PHYHIPL: variants seen among roughly 807,000 people sequenced by gnomAD.
PHYHIPL encodes the protein phytanoyl-CoA hydroxylase-interacting protein-like.
PHYHIPL carries 9 observed loss-of-function variants against 33.4 expected under a neutral mutation model. The ratio of observed to expected loss-of-function variants is 0.27; its 90% confidence interval spans 0.16 to 0.47. The LOEUF (loss-of-function observed/expected upper bound fraction) is 0.47, where lower values mean the gene tolerates loss of function less well. Ranked by LOEUF, PHYHIPL falls within the 20% of genes least tolerant of loss-of-function variation. The probability of loss-of-function intolerance (pLI) is 0.99; values close to 1 mark genes in which losing one functional copy is unlikely to be tolerated. For missense variants in PHYHIPL, 365 were observed against 460.7 expected (o/e 0.79, Z 1.90); for synonymous variants, 153 against 154.1 (o/e 0.99, Z 0.05).
upstream of PHYHIPL, among the ~76,000 whole-genome samples, chr10:59,173,921 G>GTT (rs368316005): frequency 1.3e-3 from 72 of 57,544 alleles, 17 homozygotes; most frequent in Admixed American, 1.9e-3. Flanking sequence ...TACTTCTGAG[G>GTT]TTTTTTTTTT....
At chr10:59,183,876 C>T (rs1428620316) in intron 1 of PHYHIPL, among the ~76,000 whole-genome samples, 5 of 152,106 alleles carry the variant, frequency 3.3e-5, no homozygotes, top group Admixed American at 3.3e-4. Context: ...GAATGTTGCT[C>T]TCTAATAATA....
At chr10:59,239,613 A>C (rs1840331229) in intron 4 of PHYHIPL, among the ~76,000 whole-genome samples, 1 of 152,074 alleles carries the variant, frequency 6.6e-6, no homozygotes, top group African/African-American at 2.4e-5. Context: ...AATTTCTAAG[A>C]TAGCCTATGT....
intron 1 of PHYHIPL, among the ~76,000 whole-genome samples, chr10:59,201,615 G>T (rs1456564062): frequency 1.3e-5 from 2 of 152,004 alleles, no homozygotes; most frequent in Non-Finnish European, 1.5e-5. Flanking sequence ...TTCAATATTT[G>T]CTTTCTCATT....
intron 1 of PHYHIPL, among the ~76,000 whole-genome samples, chr10:59,197,387 A>C (rs1021688431): frequency 6.6e-6 from 1 of 152,172 alleles, no homozygotes; most frequent in African/African-American, 2.4e-5. Flanking sequence ...CTTAAACCTT[A>C]ATTCAAATGC....
At chr10:59,202,071 A>G (rs1396162535) in intron 1 of PHYHIPL, among the ~76,000 whole-genome samples, 1 of 152,162 alleles carries the variant, frequency 6.6e-6, no homozygotes, top group East Asian at 1.9e-4. Context: ...GTAATAGACC[A>G]GGTATAAGGA....
At chr10:59,241,330 GATAA>G (rs1429071748) in intron 4 of PHYHIPL, among the ~76,000 whole-genome samples, 1 of 149,792 alleles carries the variant, frequency 6.7e-6, no homozygotes, top group Non-Finnish European at 1.5e-5. Flanking sequence ...TGAAAAACTG[GATAA>G]ATACTTACTC....
chr10:59,230,933 A>G (rs764720828), intron 1 of PHYHIPL, among the ~76,000 whole-genome samples: 9 of 152,278 alleles, frequency 5.9e-5, no homozygotes, highest in Non-Finnish European at 1.2e-4. Context: ...TGTGGAGACC[A>G]AAGTTTTATC....
chr10:59,228,377 A>G (rs1270422109), intron 1 of PHYHIPL, among the ~76,000 whole-genome samples: 6 of 152,154 alleles, frequency 3.9e-5, no homozygotes, highest in Non-Finnish European at 5.9e-5. Context: ...TGTTACCACT[A>G]AGAGTATTTT....
chr10:59,219,663 C>T (rs1281141899), intron 1 of PHYHIPL, among the ~76,000 whole-genome samples: 1 of 151,978 alleles, frequency 6.6e-6, no homozygotes. Context: ...ATGTCAATTA[C>T]ATGAATTTGC....
At chr10:59,214,350 C>T (rs1333752109) in intron 1 of PHYHIPL, among the ~76,000 whole-genome samples, 1 of 151,802 alleles carries the variant, frequency 6.6e-6, no homozygotes. Flanking sequence ...TAAAATGAAA[C>T]AATGTATCTG....
At chr10:59,219,119 C>T (rs1039654316) in intron 1 of PHYHIPL, 17 of 280,636 alleles carry the variant, frequency 6.1e-5, no homozygotes, top group Non-Finnish European at 8.1e-5. Flanking sequence ...ATGTTGGCCA[C>T]ACACAGAAAA....
Position 59,234,457 on chromosome 10 carries a change from TC to T in PHYHIPL, c.261del (p.Asn88ThrfsTer29). On this transcript the variant is annotated frameshift_variant, in exon 2 of 5. Transcript: ENST00000373880. LOFTEE classifies it high-confidence loss of function. ...CGCATTACACACTATTTTATTGACC[TC>T]AACAAGAAAGAGAACAAGAACTCCA... The part of the protein sequence containing the change: ...KDRITHYFID[L>X]NKKENKNSNK... 2 of 1,574,752 alleles carry T rather than the reference TC, an allele frequency of 1.3e-6. No individual in the cohort carries two copies. The highest frequency in any genetic ancestry group is 1.7e-6 in the Non-Finnish European group (2 of 1,167,870).
intron 1 of PHYHIPL, among the ~76,000 whole-genome samples, chr10:59,194,043 T>G (rs927102704): frequency 6.6e-6 from 1 of 151,916 alleles, no homozygotes; most frequent in Non-Finnish European, 1.5e-5. Context: ...ACTTTTGTTT[T>G]GCACTATGTA....
chr10:59,203,649 G>C (rs1465876241), intron 1 of PHYHIPL, among the ~76,000 whole-genome samples: 4 of 151,926 alleles, frequency 2.6e-5, no homozygotes, highest in South Asian at 2.1e-4. Context: ...CCATCATTCT[G>C]AGCAAACTAT....
chr10:59,214,740 T>C (rs1234875806), intron 1 of PHYHIPL, among the ~76,000 whole-genome samples: 1 of 151,984 alleles, frequency 6.6e-6, no homozygotes, highest in African/African-American at 2.4e-5. Context: ...AATAAAACAA[T>C]GAAATGCCTA....
chr10:59,204,113 G>A (rs1160937980), intron 1 of PHYHIPL, among the ~76,000 whole-genome samples: 1 of 151,986 alleles, frequency 6.6e-6, no homozygotes, highest in African/African-American at 2.4e-5. Flanking sequence ...ATGTATGTAG[G>A]GTTTAGGCCA....
At chr10:59,193,649 T>C (rs181585471) in intron 1 of PHYHIPL, among the ~76,000 whole-genome samples, 124 of 152,298 alleles carry the variant, frequency 8.1e-4, no homozygotes, top group Admixed American at 5.1e-3. Context: ...TTGCAGACTC[T>C]TTTTGTTTAA....
chr10:59,242,322 C>T (rs1245205587), intron 4 of PHYHIPL, among the ~76,000 whole-genome samples: 1 of 152,112 alleles, frequency 6.6e-6, no homozygotes, highest in African/African-American at 2.4e-5. Flanking sequence ...ACTGACCCTC[C>T]TACCCTGTGT....
chr10:59,236,457 C>T (rs1273538132), intron 2 of PHYHIPL, 26 bp from the exon 3 acceptor site: 23 of 1,401,968 alleles, frequency 1.6e-5, no homozygotes, highest in Admixed American at 1.1e-4. Context: ...TCATTTTTCT[C>T]TCTCTCTTCC....
Sources: gnomAD v4.1 joint callset for allele counts (sites outside exome capture counted in the v4.1 genomes callset) on GRCh38, gnomAD v4.1.1 for gene constraint, MANE v1.5 for transcripts, NCBI Gene and HGNC (gene_info 2026-07-23, HGNC 2026-07-21) for gene names.